The following CDC25A variants were observed in gnomAD, a reference collection of about 807,000 sequenced individuals.
The protein encoded by CDC25A is cell division cycle 25A.
A neutral mutation model predicts 64.6 loss-of-function variants in CDC25A; 17 were observed. The observed-to-expected ratio is 0.26, with a 90% CI of 0.18 to 0.39. CDC25A has a LOEUF of 0.39. Ranked by LOEUF, CDC25A falls within the 10% of genes least tolerant of loss-of-function variation. The pLI is 1.00. For synonymous variants in CDC25A, 229 were observed against 238.6 expected, an observed-to-expected ratio of 0.96 and a Z score of 0.37; for missense variants, 473 against 654.8, an observed-to-expected ratio of 0.72 and a Z score of 3.03.
intron 12 of CDC25A, among the ~76,000 whole-genome samples, chr3:48,165,107 C>CAAAAAAAAAAAAAAAAAAAAAAAA (rs11370901): frequency 1.2e-5 from 1 of 84,972 alleles, no homozygotes; most frequent in African/African-American, 4.5e-5. Flanking sequence ...GACTCTGTCT[C>CAAAAAAAAAAAAAAAAAAAAAAAA]AAAAAAAAAA....
intron 1 of CDC25A, among the ~76,000 whole-genome samples, chr3:48,187,144 A>G (rs553995408): frequency 6.6e-6 from 1 of 152,360 alleles, no homozygotes; most frequent in East Asian, 1.9e-4. Flanking sequence ...ACATGTGCTT[A>G]GCAAACGGGA....
intron 9 of CDC25A, among the ~76,000 whole-genome samples, chr3:48,171,818 T>A (rs974103195): frequency 6.6e-6 from 1 of 152,196 alleles, no homozygotes; most frequent in African/African-American, 2.4e-5. Context: ...ATTCTAAATG[T>A]CCAGAAGGTG....
intron 12 of CDC25A, among the ~76,000 whole-genome samples, chr3:48,165,107 CAAAAAAAAAAA>C (rs11370901): frequency 2.8e-4 from 24 of 84,972 alleles, no homozygotes; most frequent in Non-Finnish European, 5.5e-4. Context: ...GACTCTGTCT[CAAAAAAAAAAA>C]AAAAAAAAGA....
Position 48,165,936 on chromosome 3 carries a change from A to G in CDC25A, c.1030-43T>C, listed in dbSNP as rs377165934. 5.6e-5 allele frequency: 72 copies of G among 1,295,124 alleles called. No individual in the cohort carries two copies. In the African/African-American group the frequency reaches 9.4e-4, roughly 17 times the overall value. The allele number at this position is 1,295,124 out of a possible 1,614,324, so 80.2% of individuals were successfully genotyped here. ...ATACTTAGAGAATCTGAAAGCCTAT[A>G]TATTATTCACACTTATACTGTTTTG... On this transcript the variant is annotated intron_variant, in intron 10 of 14. Transcript: ENST00000302506.
intron 9 of CDC25A, among the ~76,000 whole-genome samples, chr3:48,168,934 G>A (rs1255200608): frequency 6.6e-6 from 1 of 152,118 alleles, no homozygotes; most frequent in Non-Finnish European, 1.5e-5. Flanking sequence ...TTACAGGTGT[G>A]AGCCACCGCG....
intron 13 of CDC25A, among the ~76,000 whole-genome samples, chr3:48,163,716 T>C (rs2031887738): frequency 6.6e-6 from 1 of 152,226 alleles, no homozygotes; most frequent in African/African-American, 2.4e-5. Context: ...TGGACCATCC[T>C]AGTTAAGCTG....
intron 8 of CDC25A, 111 bp from the exon 9 acceptor site, chr3:48,174,568 T>A: frequency 9.5e-7 from 1 of 1,054,432 alleles, no homozygotes; most frequent in South Asian, 1.6e-5. Flanking sequence ...AATTCTAAAT[T>A]AGCCAACAGA....
intron 10 of CDC25A, among the ~76,000 whole-genome samples, chr3:48,167,003 T>C (rs3731543): frequency 1.3e-5 from 2 of 152,114 alleles, no homozygotes; most frequent in South Asian, 2.1e-4. Context: ...CAAAACCCAT[T>C]TGGGCTGAAA....
chr3:48,165,366 CA>C (rs1196187984), intron 12 of CDC25A, among the ~76,000 whole-genome samples: 2 of 152,092 alleles, frequency 1.3e-5, no homozygotes, highest in African/African-American at 4.8e-5. Context: ...ACTTAAACAT[CA>C]GTGGGTACCT....
Position 48,174,535 on chromosome 3 carries a change from G to A in CDC25A, c.757-78C>T, listed in dbSNP as rs1575267300. ...GAATGGTAAGACAAATAAACCGAAGGTTTCCTGGGATGATCTAAGATCAAT... is the reference window on the plus strand; with the variant it reads ...GAATGGTAAGACAAATAAACCGAAGATTTCCTGGGATGATCTAAGATCAAT... On this transcript the variant is annotated intron_variant, in intron 8 of 14. Transcript: ENST00000302506. 5.0e-6 allele frequency: 7 copies of A among 1,399,620 alleles called. No homozygotes were observed. In the East Asian group the frequency reaches 1.6e-4, roughly 32 times the overall value. 86.7% of individuals were successfully genotyped at this position (1,399,620 alleles called of 1,614,324 possible).
chr3:48,183,352 T>A (rs1487407371), intron 4 of CDC25A, among the ~76,000 whole-genome samples: 1 of 152,132 alleles, frequency 6.6e-6, no homozygotes, highest in Non-Finnish European at 1.5e-5. Flanking sequence ...AAAGCTCTGT[T>A]AGAGATGGAG....
intron 5 of CDC25A, chr3:48,181,470 G>A: frequency 1.4e-6 from 1 of 718,666 alleles, no homozygotes; most frequent in Non-Finnish European, 2.5e-6. Flanking sequence ...AAGCAGTAAT[G>A]GCTAGCACTG....
At chr3:48,187,750 G>A (rs1027016401) in intron 1 of CDC25A, 28 bp downstream of exon 1, 7 of 1,526,714 alleles carry the variant, frequency 4.6e-6, no homozygotes, top group African/African-American at 4.3e-5. Context: ...CCAGGGGCCC[G>A]GAGCACCGCC....
chr3:48,181,820 A>G, intron 5 of CDC25A: 2 of 617,340 alleles, frequency 3.2e-6, no homozygotes, highest in East Asian at 5.5e-5. Flanking sequence ...GTAATGGCTA[A>G]TATTACAGTG....
chr3:48,167,365 A>T (rs2032067127), intron 10 of CDC25A, among the ~76,000 whole-genome samples: 1 of 152,242 alleles, frequency 6.6e-6, no homozygotes, highest in African/African-American at 2.4e-5. Flanking sequence ...GCCTTCATGT[A>T]GTATATCAGG....
chr3:48,162,627 C>A (rs141941547), intron 13 of CDC25A, among the ~76,000 whole-genome samples: 181 of 151,840 alleles, frequency 1.2e-3, no homozygotes, highest in Middle Eastern at 3.4e-3. Context: ...ACGGGCAGAT[C>A]GCAAGGTCAG....
chr3:48,165,968 T>A (rs2031996227), intron 10 of CDC25A, 75 bp from the exon 11 acceptor site: 4 of 1,017,026 alleles, frequency 3.9e-6, no homozygotes, highest in Non-Finnish European at 6.1e-6. Context: ...TTTGTCTGGC[T>A]GGTAGGAGGC....
chr3:48,168,360 C>CCCCACACACA (rs746582615), intron 9 of CDC25A, among the ~76,000 whole-genome samples: 17 of 106,538 alleles, frequency 1.6e-4, no homozygotes, highest in Non-Finnish European at 1.6e-4. Flanking sequence ...AAGACCCTGT[C>CCCCACACACA]CACACACACA....
chr3:48,159,086 C>A lies in CDC25A; in HGVS notation c.1435-1G>T. On this transcript the variant is annotated splice_acceptor_variant, in intron 14 of 14. Coordinates refer to ENST00000302506, the MANE Select transcript of CDC25A (RefSeq NM_001789.3). LOFTEE classifies it high-confidence loss of function. ...GGTAGCTAGGGGGCTCACAGTAAGA[C>A]TGAGGGGACAGGAGAGAATAAGGTT... 6.2e-7 allele frequency: 1 copy of A among 1,614,004 alleles called. No homozygotes were observed. The highest frequency in any genetic ancestry group is 8.5e-7 in the Non-Finnish European group (1 of 1,179,950).
Sources: allele counts gnomAD v4.1 joint callset (sites outside exome capture counted in the v4.1 genomes callset), GRCh38; gene constraint gnomAD v4.1.1; transcripts MANE v1.5; gene names NCBI Gene and HGNC (gene_info 2026-07-23, HGNC 2026-07-21).